The following NFASC variants were observed in gnomAD, a reference collection of about 807,000 sequenced individuals.
NFASC encodes neurofascin, also known as neurofascin homolog.
A neutral mutation model predicts 147.5 loss-of-function variants in NFASC; 43 were observed. That is an observed-to-expected ratio of 0.29 (90% CI 0.23 to 0.38). NFASC has a LOEUF of 0.38. Ranked by LOEUF, NFASC falls within the 10% of genes least tolerant of loss-of-function variation. The pLI is 1.00. For missense variants in NFASC, 1,320 were observed against 1,689.0 expected, an observed-to-expected ratio of 0.78 and a Z score of 3.83; for synonymous variants, 622 against 665.5, an observed-to-expected ratio of 0.93 and a Z score of 1.01.
intron 1 of NFASC, among the ~76,000 whole-genome samples, chr1:204,913,742 G>A (rs2088349898): frequency 6.6e-6 from 1 of 151,858 alleles, no homozygotes; most frequent in South Asian, 2.1e-4. Flanking sequence ...AGCCAGGTAT[G>A]CACCTGTGGG....
Position 204,836,685 on chromosome 1 carries a change from G to A in NFASC, c.-200+7903G>A, listed in dbSNP as rs540218394. ...GTGTGGTATTTTTCCACATGTTGGA[G>A]GTGAATGTCTTTATGGAGGAAAATG... On this transcript the variant is annotated intron_variant, in intron 1 of 29. Transcript: ENST00000339876. Among the ~76,000 whole-genome samples, 6 of 152,370 alleles carry A rather than the reference G, an allele frequency of 3.9e-5. No homozygotes were observed. The East Asian group carries it at 9.6e-4, about 24-fold the overall frequency.
At chr1:204,941,488 C>T (rs2093358827) in intron 2 of NFASC, among the ~76,000 whole-genome samples, 1 of 152,156 alleles carries the variant, frequency 6.6e-6, no homozygotes, top group Non-Finnish European at 1.5e-5. Context: ...CGTCTCTTTC[C>T]CTTCACTTCC....
At position 204,997,115 on chromosome 1, in the gene NFASC, C is replaced by T. The variant is rs974745505; in HGVS notation, c.2783-55C>T. ...GCCTTGCACGCGGGGGCCGTGTGTCCAGGCTGGGCACAGCCAAACCAACCA... is the reference window on the plus strand; with the variant it reads ...GCCTTGCACGCGGGGGCCGTGTGTCTAGGCTGGGCACAGCCAAACCAACCA... On this transcript the variant is annotated intron_variant, in intron 24 of 29. Transcript: ENST00000339876. The T allele has an allele frequency of 2.5e-6, 4 of 1,570,102 alleles. No homozygotes were observed. The African/African-American group carries it at 5.4e-5, about 21-fold the overall frequency.
At chr1:204,846,955 G>GTGTGTGTCTC (rs200109608) in intron 1 of NFASC, among the ~76,000 whole-genome samples, 1 of 146,504 alleles carries the variant, frequency 6.8e-6, no homozygotes, top group Admixed American at 6.8e-5. Flanking sequence ...GTGTACGCGT[G>GTGTGTGTCTC]TGTGTGTGTG....
At chr1:204,936,577 A>T (rs1332246948) in intron 2 of NFASC, among the ~76,000 whole-genome samples, 1 of 152,132 alleles carries the variant, frequency 6.6e-6, no homozygotes, top group Non-Finnish European at 1.5e-5. Flanking sequence ...AGAGATGGCC[A>T]TGAGGCTGGC....
chr1:205,002,517 A>G (rs2096011527), intron 26 of NFASC, 79 bp from the exon 27 acceptor site: 1 of 1,207,762 alleles, frequency 8.3e-7, no homozygotes, highest in African/African-American at 1.6e-5. Context: ...TCTACCTTTG[A>G]CAGGTGACCA....
chr1:204,917,119 A>C (rs1199182822), intron 1 of NFASC, among the ~76,000 whole-genome samples: 2 of 152,162 alleles, frequency 1.3e-5, no homozygotes, highest in Non-Finnish European at 2.9e-5. Flanking sequence ...TGGGAGGCTG[A>C]AGTGGGAGGA....
At position 204,950,575 on chromosome 1, in the gene NFASC, G is replaced by T; in HGVS notation, c.109+1G>T. 6.2e-7 allele frequency: 1 copy of T among 1,612,568 alleles called. No individual in the cohort carries two copies. The highest frequency in any genetic ancestry group is 8.5e-7 in the Non-Finnish European group (1 of 1,179,266). Reference sequence around the variant, plus strand: ...CTAACAGCAAGCATTCAGAATGAGCGTAAGTGCCCTGTGTGCCTCTCTGTG... The same window carrying T: ...CTAACAGCAAGCATTCAGAATGAGCTTAAGTGCCCTGTGTGCCTCTCTGTG... On this transcript the variant is annotated splice_donor_variant, in intron 4 of 29. Coordinates refer to ENST00000339876, the MANE Select transcript of NFASC (RefSeq NM_001005388.3). LOFTEE classifies it high-confidence loss of function.
At chr1:204,904,884 C>T (rs1395765840) in intron 1 of NFASC, among the ~76,000 whole-genome samples, 2 of 34,284 alleles carry the variant, frequency 5.8e-5, no homozygotes, top group Non-Finnish European at 1.1e-4. Context: ...TCCTATTCAT[C>T]CATCCACCCA....
intron 2 of NFASC, among the ~76,000 whole-genome samples, chr1:204,938,881 G>C (rs1240893055): frequency 6.6e-6 from 1 of 152,176 alleles, no homozygotes; most frequent in Admixed American, 6.5e-5. Flanking sequence ...AGAGTGTCCA[G>C]GTGACTCTGA....
chr1:204,893,581 A>G (rs947193145), intron 1 of NFASC, among the ~76,000 whole-genome samples: 2 of 152,356 alleles, frequency 1.3e-5, no homozygotes, highest in East Asian at 3.9e-4. Flanking sequence ...AGGAAGCAAG[A>G]TTCCATGGTG....
At chr1:204,944,096 A>C (rs905703577) in intron 2 of NFASC, 130 bp from the exon 3 acceptor site, 170 of 784,684 alleles carry the variant, frequency 2.2e-4, no homozygotes, top group Middle Eastern at 6.8e-4. Flanking sequence ...TGAGGTTAAG[A>C]AACTCTGCTC....
chr1:204,852,024 G>T (rs930823216), intron 1 of NFASC, among the ~76,000 whole-genome samples: 2 of 152,168 alleles, frequency 1.3e-5, no homozygotes, highest in Admixed American at 1.3e-4. Flanking sequence ...CCATGCCCTA[G>T]GATTGTTGTT....
At chr1:204,830,102 C>T (rs575761909) in intron 1 of NFASC, among the ~76,000 whole-genome samples, 7 of 151,820 alleles carry the variant, frequency 4.6e-5, no homozygotes, top group Admixed American at 4.6e-4. Context: ...TACCCCTTTT[C>T]TGCCTGCCTG....
At chr1:204,936,356 C>G (rs1019834247) in intron 2 of NFASC, among the ~76,000 whole-genome samples, 4 of 152,084 alleles carry the variant, frequency 2.6e-5, no homozygotes, top group East Asian at 1.9e-4. Context: ...CGTGCACCCC[C>G]ACGCCTGGCT....
intron 12 of NFASC, among the ~76,000 whole-genome samples, chr1:204,973,662 G>C (rs934989328): frequency 6.6e-6 from 1 of 152,130 alleles, no homozygotes; most frequent in African/African-American, 2.4e-5. Flanking sequence ...ACAGATGGAA[G>C]ACTTAAAATT....
In NFASC at chr1:205,015,538, A is replaced by T. The variant is rs1349613254; in HGVS notation, c.3492-770A>T. The stretch of plus-strand genomic sequence containing the variant: ...AGCGGCCCGTGCAGCTTTACTCGGC[A>T]GCCTCCCAGCTCTCCCTGCACAAGG... On this transcript the variant is annotated intron_variant, in intron 29 of 29. Transcript: ENST00000339876. This position sits in a 1 kb window ranked among gnomAD's most constrained non-coding sequence, Gnocchi z 4.0. Among the ~76,000 whole-genome samples the T allele has an allele frequency of 1.3e-5, 2 of 152,108 alleles. No homozygotes were observed. The highest frequency in any genetic ancestry group is 2.9e-5 in the Non-Finnish European group (2 of 68,030).
chr1:204,946,515 G>A, intron 3 of NFASC: 1 of 412,938 alleles, frequency 2.4e-6, no homozygotes, highest in Non-Finnish European at 5.0e-6. Context: ...GTTGCTGCAG[G>A]TCCAGTGGCC....
intron 1 of NFASC, among the ~76,000 whole-genome samples, chr1:204,886,354 T>C (rs2081311450): frequency 6.6e-6 from 1 of 152,260 alleles, no homozygotes; most frequent in Non-Finnish European, 1.5e-5. Context: ...CTCATTTTTG[T>C]AAAAAGTAAT....
Sources: allele counts gnomAD v4.1 joint callset (sites outside exome capture counted in the v4.1 genomes callset), GRCh38; gene constraint gnomAD v4.1.1; non-coding constraint Gnocchi (gnomAD v3.1); transcripts MANE v1.5; gene names NCBI Gene and HGNC (gene_info 2026-07-23, HGNC 2026-07-21).